HAT1: variants seen among roughly 807,000 people sequenced by gnomAD.
The protein encoded by HAT1 is histone acetyltransferase 1.
HAT1 carries 20 observed loss-of-function variants against 56.6 expected under a neutral mutation model. The ratio of observed to expected loss-of-function variants is 0.35; its 90% CI spans 0.25 to 0.51. HAT1 has a LOEUF of 0.51. Among genes scored for constraint, HAT1 ranks in the 20% least tolerant of loss-of-function variants. The pLI, the probability that HAT1 is intolerant of heterozygous loss-of-function variation, is 0.95. For missense variants in HAT1, 408 were observed against 504.3 expected (o/e 0.81, Z 1.83); for synonymous variants, 146 against 165.5 (o/e 0.88, Z 0.91).
chr2:171,925,888 A>G (rs995139842), intron 2 of HAT1, among the ~76,000 whole-genome samples: 2 of 152,186 alleles, frequency 1.3e-5, no homozygotes, highest in African/African-American at 4.8e-5. Flanking sequence ...TAATAAGTAT[A>G]TATAGTTTTA....
intron 4 of HAT1, among the ~76,000 whole-genome samples, chr2:171,963,646 A>G (rs892535664): frequency 6.6e-6 from 1 of 152,230 alleles, no homozygotes; most frequent in Non-Finnish European, 1.5e-5. Flanking sequence ...ACCTTAACTA[A>G]CATACTATAC....
At chr2:171,963,075 A>G (rs1030858951) in intron 4 of HAT1, among the ~76,000 whole-genome samples, 2 of 151,876 alleles carry the variant, frequency 1.3e-5, no homozygotes, top group African/African-American at 2.4e-5. Context: ...TTCTTAAAGC[A>G]GAATCCATTT....
At chr2:171,973,338 A>G (rs954236315) in intron 8 of HAT1, among the ~76,000 whole-genome samples, 2 of 141,158 alleles carry the variant, frequency 1.4e-5, no homozygotes, top group African/African-American at 5.4e-5. Context: ...TTTCAAAATT[A>G]TTTTGTTTAT....
intron 2 of HAT1, among the ~76,000 whole-genome samples, chr2:171,926,306 T>A (rs966754011): frequency 6.6e-6 from 1 of 152,112 alleles, no homozygotes. Context: ...AAAAATTTTT[T>A]TTTTGAGACG....
chr2:171,931,175 G>C (rs549147788), intron 2 of HAT1, among the ~76,000 whole-genome samples: 5 of 151,958 alleles, frequency 3.3e-5, no homozygotes, highest in Middle Eastern at 3.4e-3. Flanking sequence ...CAGATTGCTT[G>C]AGCCCAGGAG....
chr2:171,976,164 T>C lies in HAT1; in HGVS notation c.831T>C (p.Asp277=). Residue 277 remains aspartate, a synonymous_variant, in exon 9 of 11, where the codon GAT becomes GAC. Coordinates refer to ENST00000264108, the MANE Select transcript of HAT1 (RefSeq NM_003642.4). ...FPTVLDITAE[D]PSKSYVKLRD... ...TCTGCTTTATTTATTTAGCGGAAGATCCATCCAAAAGCTATGTGAAATTAC... is the reference window on the plus strand; with the variant it reads ...TCTGCTTTATTTATTTAGCGGAAGACCCATCCAAAAGCTATGTGAAATTAC... The C allele has an allele frequency of 1.9e-6, 3 of 1,557,312 alleles. No homozygotes were observed. Among genetic ancestry groups the C allele is most frequent in the Non-Finnish European group, 2.6e-6 (3 of 1,149,054 alleles).
chr2:171,965,579 T>G, intron 5 of HAT1, 62 bp downstream of exon 5: 1 of 1,150,338 alleles, frequency 8.7e-7, no homozygotes, highest in South Asian at 1.5e-5. Context: ...TGTATGTAGT[T>G]TTGTTGTCAG....
intron 3 of HAT1, among the ~76,000 whole-genome samples, chr2:171,951,826 G>A (rs1558970794): frequency 6.6e-6 from 1 of 151,992 alleles, no homozygotes; most frequent in South Asian, 2.1e-4. Context: ...AGATGGGTAG[G>A]GGACAGTAAC....
In HAT1 at chr2:171,966,451, C is replaced by G. The variant is rs781749848; in HGVS notation, c.654C>G (p.Thr218=). ...AGGATGGAGCTACGCTCTTTGCGAC[C>G]GTAGGCTACATGACAGTCTATAATT... ...YNKDGATLFA[T]VGYMTVYNYY... Residue 218 remains threonine, a synonymous_variant, in exon 7 of 11, where the codon ACC becomes ACG. Coordinates refer to ENST00000264108, the MANE Select transcript of HAT1 (RefSeq NM_003642.4). 1 of 1,603,386 alleles carries G rather than the reference C, an allele frequency of 6.2e-7. No individual in the cohort carries two copies. The highest frequency in any genetic ancestry group is 8.5e-7 in the Non-Finnish European group (1 of 1,170,330).
intron 2 of HAT1, among the ~76,000 whole-genome samples, chr2:171,938,029 T>A (rs972278570): frequency 1.9e-5 from 1 of 53,802 alleles, no homozygotes; most frequent in Non-Finnish European, 5.2e-5. Flanking sequence ...ACTGATTCTC[T>A]CTCTCTCTCT....
At chr2:171,922,716 T>G in intron 1 of HAT1, 1 of 404,498 alleles carries the variant, frequency 2.5e-6, no homozygotes. Context: ...CTTGGGGTTC[T>G]GCGCCTTCTG....
intron 2 of HAT1, among the ~76,000 whole-genome samples, chr2:171,944,781 C>A (rs1389984094): frequency 6.6e-6 from 1 of 152,200 alleles, no homozygotes; most frequent in Non-Finnish European, 1.5e-5. Context: ...ACCTTTTCTT[C>A]TGTAAATTAG....
chr2:171,956,322 G>T (rs755028499), intron 4 of HAT1, among the ~76,000 whole-genome samples: 2 of 151,274 alleles, frequency 1.3e-5, no homozygotes, highest in Non-Finnish European at 2.9e-5. Context: ...ATCTCTACAC[G>T]CACACACGCA....
chr2:171,978,214 G>A (rs1688037947), intron 9 of HAT1, among the ~76,000 whole-genome samples: 1 of 151,838 alleles, frequency 6.6e-6, no homozygotes, highest in South Asian at 2.1e-4. Flanking sequence ...GCAGGGGTAC[G>A]CCACCACACC....
chr2:171,949,358 G>A (rs186359352), intron 3 of HAT1, among the ~76,000 whole-genome samples: 4 of 152,098 alleles, frequency 2.6e-5, no homozygotes, highest in Admixed American at 1.3e-4. Flanking sequence ...GACTATAGGC[G>A]TGTACCACCA....
chr2:171,972,223 T>TG (rs1558978777), intron 8 of HAT1, among the ~76,000 whole-genome samples: 2 of 151,880 alleles, frequency 1.3e-5, no homozygotes, highest in Admixed American at 6.6e-5. Flanking sequence ...TGTTTTTTTT[T>TG]TTTGTTTGTT....
chr2:171,983,172 G>A lies in HAT1; in HGVS notation c.1093-13G>A. ...TACTTTCTTCGTCTAACAAATAATT[G>A]TTTGTCACTTAGAAAAAGCAGAGAG... On this transcript the variant is annotated splice_polypyrimidine_tract_variant and intron_variant, in intron 10 of 10. Coordinates refer to ENST00000264108, the MANE Select transcript of HAT1 (RefSeq NM_003642.4). The A allele has an allele frequency of 6.7e-7, 1 of 1,489,668 alleles. No homozygotes were observed. Among genetic ancestry groups the A allele is most frequent in the Non-Finnish European group, 9.1e-7 (1 of 1,101,092 alleles). 92.3% of individuals were successfully genotyped at this position (1,489,668 alleles called of 1,614,324 possible). A position where few individuals can be genotyped will look rare whatever the true frequency, so the allele number is the denominator to read the frequency against.
At position 171,969,446 on chromosome 2, in the gene HAT1, AC is replaced by A. The variant is rs567901365; in HGVS notation, c.823+2498del. Among the ~76,000 whole-genome samples, 358 of 152,358 alleles carry A rather than the reference AC, an allele frequency of 2.3e-3. 3 individuals are homozygous for A. Among genetic ancestry groups the A allele is most frequent in the African/African-American group, 6.5e-3 (271 of 41,592 alleles). On this transcript the variant is annotated intron_variant, in intron 8 of 10. Coordinates refer to ENST00000264108, the MANE Select transcript of HAT1 (RefSeq NM_003642.4). ...TGTTAATATGAGAAGCTTTAAAAAA[AC>A]GATTGCTAGATGATGTATTACATTT...
intron 8 of HAT1, among the ~76,000 whole-genome samples, chr2:171,971,419 C>G (rs1300274116): frequency 6.6e-6 from 1 of 152,214 alleles, no homozygotes; most frequent in African/African-American, 2.4e-5. Flanking sequence ...CAGTTTCCTT[C>G]CCTACACCCG....
Sources: allele counts gnomAD v4.1 joint callset (sites outside exome capture counted in the v4.1 genomes callset), GRCh38; gene constraint gnomAD v4.1.1; transcripts MANE v1.5; gene names NCBI Gene and HGNC (gene_info 2026-07-23, HGNC 2026-07-21).